Variants in PKD1 observed in about 807,000 individuals in gnomAD.
PKD1 encodes polycystin-1.
Under a neutral mutation model 361.7 loss-of-function variants are expected in PKD1, and 81 were observed. That is an observed-to-expected ratio of 0.22 (90% confidence interval 0.19 to 0.27). PKD1 has a LOEUF of 0.27. Ranked by LOEUF, PKD1 falls within the 10% of genes least tolerant of loss-of-function variation. The pLI, the probability that PKD1 is intolerant of heterozygous loss-of-function variation, is 1.00. For synonymous variants in PKD1, 3,615 were observed against 2,818.3 expected (o/e 1.28, Z -8.95); for missense variants, 6,399 against 6,118.3 (o/e 1.05, Z -1.53).
At position 2,118,668 on chromosome 16, in the gene PKD1, G is replaced by C. The variant is rs1045205742; in HGVS notation, c.529+8C>G. The C allele has an allele frequency of 7.2e-6, 10 of 1,389,712 alleles. No homozygotes were observed. In the African/African-American group the frequency reaches 1.3e-4, roughly 18 times the overall value. The allele number at this position is 1,389,712 out of a possible 1,614,324, so 86.1% of individuals were successfully genotyped here. The stretch of plus-strand genomic sequence containing the variant: ...AGGACAGAGCTGGCCCCACCCACCG[G>C]CACTCACCACAGCCACTGTCCAGCA... On this transcript the variant is annotated splice_region_variant and intron_variant, in intron 4 of 45. Coordinates refer to ENST00000262304, the MANE Select transcript of PKD1 (RefSeq NM_001009944.3). The surrounding 1 kb of genome is among the most constrained non-coding windows in gnomAD (Gnocchi z 6.0).
intron 1 of PKD1, among the ~76,000 whole-genome samples, chr16:2,123,161 G>A (rs1255819289): frequency 6.6e-6 from 1 of 152,180 alleles, no homozygotes; most frequent in East Asian, 1.9e-4. Context: ...TTCTGGCCAT[G>A]CACTCCCTGC....
In PKD1 at chr16:2,088,741, T is replaced by C. The variant is rs970202456; in HGVS notation, c.*986A>G. ...AGACAGCTCTTTTATTGACTTTGTCTGCTTGGTGCGGGGGTTGGGGGGGTG... is the reference window on the plus strand; with the variant it reads ...AGACAGCTCTTTTATTGACTTTGTCCGCTTGGTGCGGGGGTTGGGGGGGTG... On this transcript the variant is annotated 3_prime_UTR_variant, in exon 46 of 46. Transcript: ENST00000262304. 3.1e-6 allele frequency: 4 copies of C among 1,304,650 alleles called. No individual in the cohort carries two copies. Among genetic ancestry groups the C allele is most frequent in the Non-Finnish European group, 4.2e-6 (4 of 955,688 alleles). The allele number at this position is 1,304,650 out of a possible 1,614,324, so 80.8% of individuals were successfully genotyped here.
Position 2,108,620 on chromosome 16 carries a change from T to C in PKD1, c.6547A>G (p.Thr2183Ala). The stretch of plus-strand genomic sequence containing the variant: ...CGATACACCTCCCAGCGGTACTCAG[T>C]CTGGTAGGTGACGCAGTCGCGCAGG... ...VDLRDCVTYQ[T>A]EYRWEVYRTA... Residue 2183 changes from threonine to alanine, a missense_variant, in exon 15 of 46, where the codon ACT (threonine) becomes GCT (alanine). By Grantham distance (58) the Thr-to-Ala change is moderately conservative (BLOSUM62 0). Coordinates refer to ENST00000262304, the MANE Select transcript of PKD1 (RefSeq NM_001009944.3). 1.3e-6 allele frequency: 2 copies of C among 1,559,796 alleles called. No homozygotes were observed. The highest frequency in any genetic ancestry group is 1.7e-6 in the Non-Finnish European group (2 of 1,152,782).
intron 16 of PKD1, 119 bp from the exon 17 acceptor site, chr16:2,107,067 G>T (rs550492551): frequency 3.3e-5 from 30 of 911,882 alleles, no homozygotes; most frequent in Non-Finnish European, 4.9e-5. Context: ...GGCCACTGCC[G>T]GTGAGCTCAC....
chr16:2,105,796 C>A (rs199936877), intron 20 of PKD1, 69 bp downstream of exon 20: 8 of 1,499,096 alleles, frequency 5.3e-6, no homozygotes, highest in Non-Finnish European at 7.3e-6. Context: ...AAGCTCCAGG[C>A]AGGGGTACAG....
At chr16:2,097,600 A>C in intron 32 of PKD1, 97 bp from the exon 33 acceptor site, 2 of 1,609,782 alleles carry the variant, frequency 1.2e-6, no homozygotes, top group Non-Finnish European at 1.7e-6. Flanking sequence ...CTTCCGAGCA[A>C]ACCTGCTCCC....
intron 23 of PKD1, 81 bp downstream of exon 23, chr16:2,103,185 A>C (rs921192034): frequency 7.1e-5 from 102 of 1,434,576 alleles, no homozygotes; most frequent in Non-Finnish European, 9.0e-5. Flanking sequence ...CACCAGAGAC[A>C]CCCATGGAAG....
chr16:2,097,518 G>A lies in PKD1; in HGVS notation c.10221-15C>T, dbSNP rs1022652560. On this transcript the variant is annotated splice_polypyrimidine_tract_variant and intron_variant, in intron 32 of 45. Coordinates refer to ENST00000262304, the MANE Select transcript of PKD1 (RefSeq NM_001009944.3). ...AGCACACCAGACTGCAGGTGGCGCGGGTCAGCAAGGTACCAGGGGATGTGT... is the reference window on the plus strand; with the variant it reads ...AGCACACCAGACTGCAGGTGGCGCGAGTCAGCAAGGTACCAGGGGATGTGT... 3 of 1,601,478 alleles carry A rather than the reference G, an allele frequency of 1.9e-6. No individual in the cohort carries two copies. Among genetic ancestry groups the A allele is most frequent in the Non-Finnish European group, 2.5e-6 (3 of 1,179,728 alleles).
At chr16:2,092,394 G>A in intron 39 of PKD1, 86 bp downstream of exon 39, 2 of 1,039,468 alleles carry the variant, frequency 1.9e-6, no homozygotes, top group South Asian at 1.3e-5. Flanking sequence ...CAGCTAGGGA[G>A]CAGGGCTGAT....
chr16:2,114,268 G>A lies in PKD1; in HGVS notation c.2755C>T (p.Arg919Trp), dbSNP rs756630984. 137 of 1,610,206 alleles carry A rather than the reference G, an allele frequency of 8.5e-5. No individual in the cohort carries two copies. The highest frequency in any genetic ancestry group is 4.5e-4 in the Middle Eastern group (2 of 4,452). ...VDVVVENSAS[R>W]ANLSLRVTAE... Reference sequence around the variant, plus strand: ...GTCACCCGCAGGCTGAGGTTGGCCCGGCTGGCGCTGTTTTCCACCACCACG... The same window carrying A: ...GTCACCCGCAGGCTGAGGTTGGCCCAGCTGGCGCTGTTTTCCACCACCACG... Residue 919 changes from arginine (R) to tryptophan (W), a missense_variant, in exon 11 of 46, where the codon CGG becomes TGG. Physicochemically the swap from Arg to Trp is moderately radical, Grantham distance 101. Transcript: ENST00000262304.
Position 2,115,871 on chromosome 16 carries a change from C to G in PKD1, c.1849+121G>C. On this transcript the variant is annotated intron_variant, in intron 9 of 45. Coordinates refer to ENST00000262304, the MANE Select transcript of PKD1 (RefSeq NM_001009944.3). ...AGCTGGTGTCTCTGGAACCCCTGCT[C>G]TGTCCACCTAAGACTGGGAACCACT... is the stretch of plus-strand genomic sequence containing the variant. The G allele has an allele frequency of 3.4e-6, 4 of 1,191,464 alleles. No individual in the cohort carries two copies. In the South Asian group the frequency reaches 4.0e-5, roughly 12 times the overall value. The allele number at this position is 1,191,464 out of a possible 1,614,324, so 73.8% of individuals were successfully genotyped here.
At position 2,088,881 on chromosome 16, in the gene PKD1, G is replaced by GCGCGCACACACACA. The variant is rs142285430; in HGVS notation, c.*845_*846insTGTGTGTGTGCGCG. The GCGCGCACACACACA allele has an allele frequency of 1.1e-4, 45 of 421,482 alleles. No individual in the cohort carries two copies. Among genetic ancestry groups the GCGCGCACACACACA allele is most frequent in the African/African-American group, 8.7e-4 (39 of 44,684 alleles). The allele number at this position is 421,482 out of a possible 1,614,324, so 26.1% of individuals were successfully genotyped here. On this transcript the variant is annotated 3_prime_UTR_variant, in exon 46 of 46. Transcript: ENST00000262304. ...ACAGCACACTCGCGCGTGCGCGCGC[G>GCGCGCACACACACA]CACACACACACACACACAGTCACCT... is the stretch of plus-strand genomic sequence containing the variant.
At position 2,101,908 on chromosome 16, in the gene PKD1, G is replaced by A. The variant is rs374615923; in HGVS notation, c.9397+153C>T. On this transcript the variant is annotated intron_variant, in intron 26 of 45. Coordinates refer to ENST00000262304, the MANE Select transcript of PKD1 (RefSeq NM_001009944.3). ...GTCCTCAGGGACAGTGAGTGCTCACGAGGTCATTCCCAGGATGAACACACG... is the reference window on the plus strand; with the variant it reads ...GTCCTCAGGGACAGTGAGTGCTCACAAGGTCATTCCCAGGATGAACACACG... The A allele has an allele frequency of 2.1e-4, 136 of 660,424 alleles. 1 individual carries two copies. The highest frequency in any genetic ancestry group is 1.2e-3 in the East Asian group (43 of 36,898). The allele number at this position is 660,424 out of a possible 1,614,324, so 40.9% of individuals were successfully genotyped here.
chr16:2,115,569 G>A lies in PKD1; in HGVS notation c.1906C>T (p.Leu636=). The A allele has an allele frequency of 6.3e-7, 1 of 1,591,866 alleles. No individual in the cohort carries two copies. Among genetic ancestry groups the A allele is most frequent in the South Asian group, 1.1e-5 (1 of 89,424 alleles). ...ESRSPDNRTQ[L]APACMPGGRW... is the part of the protein sequence containing the mutation. ...CCCCCTGGCATGCACGCGGGGGCCA[G>A]CTGGGTCCTGTTGTCCGGGGACCTG... Residue 636 remains leucine, a synonymous_variant, in exon 10 of 46, where the codon CTG becomes TTG. Coordinates refer to ENST00000262304, the MANE Select transcript of PKD1 (RefSeq NM_001009944.3).
At chr16:2,092,007 T>C (rs1321412705) in intron 40 of PKD1, 40 bp downstream of exon 40, 7 of 1,612,486 alleles carry the variant, frequency 4.3e-6, no homozygotes, top group African/African-American at 1.3e-5. Flanking sequence ...ACTACTCCCT[T>C]GTCCTTGGCG....
rs769491149 is a variant in PKD1, at chr16:2,109,719, G to A, written c.5448C>T (p.Phe1816=). Residue 1816 remains phenylalanine (F), a synonymous_variant, in exon 15 of 46, where the codon TTC becomes TTT. Transcript: ENST00000262304. The stretch of plus-strand genomic sequence containing the variant: ...AGGGCACAGAGGACCCGGCCGCCAC[G>A]AAGCTGCCTCCGGGCTCGCTGGCCC... ...SIRASEPGGS[F]VAAGSSVPFW... is the part of the protein sequence containing the mutation. 16 of 1,605,500 alleles carry A rather than the reference G, an allele frequency of 1.0e-5. No individual in the cohort carries two copies. The highest frequency in any genetic ancestry group is 3.3e-5 in the South Asian group (3 of 90,292).
In PKD1 at chr16:2,111,151, A is replaced by G; in HGVS notation, c.4016T>C (p.Val1339Ala). 1.2e-6 allele frequency: 2 copies of G among 1,611,110 alleles called. No homozygotes were observed. The highest frequency in any genetic ancestry group is 1.7e-6 in the Non-Finnish European group (2 of 1,179,740). Residue 1339 changes from valine (V) to alanine (A), a missense_variant, in exon 15 of 46, where the codon GTG becomes GCG. Val to Ala is a moderately conservative substitution (Grantham distance 64). Coordinates refer to ENST00000262304, the MANE Select transcript of PKD1 (RefSeq NM_001009944.3). ...GTGTGTCACCGTCGGGCACCCCCGC[A>G]CGGTCGTGTTGGAGGAGCCATCCCC... ...TFGDGSSNTT[V>A]RGCPTVTHNF...
rs757750385 is a variant in PKD1, at chr16:2,105,311, G to C, written c.8016+11C>G. 2.4e-5 allele frequency: 38 copies of C among 1,593,934 alleles called. No homozygotes were observed. The highest frequency in any genetic ancestry group is 3.2e-5 in the Non-Finnish European group (38 of 1,178,412). ...CATGCGGGGCAGGGTGAGCAGGTGG[G>C]GCCATCCTACCATGCACTGGGCCAG... On this transcript the variant is annotated intron_variant, in intron 21 of 45. Coordinates refer to ENST00000262304, the MANE Select transcript of PKD1 (RefSeq NM_001009944.3).
Position 2,110,355 on chromosome 16 carries a change from C to A in PKD1, c.4812G>T (p.Val1604=). ...GPTISYTFRS[V]GTFNIIVTAE... Reference sequence around the variant, plus strand: ...CCGTGACGATGATATTGAAGGTGCCCACGGAGCGGAAGGTGTAAGAGATGG... The same window carrying A: ...CCGTGACGATGATATTGAAGGTGCCAACGGAGCGGAAGGTGTAAGAGATGG... The change falls in exon 15 of 46, where the codon GTG becomes GTT. Residue 1604 remains valine (V), a synonymous_variant. Coordinates refer to ENST00000262304, the MANE Select transcript of PKD1 (RefSeq NM_001009944.3). 3.1e-6 allele frequency: 5 copies of A among 1,612,630 alleles called. No homozygotes were observed. Among genetic ancestry groups the A allele is most frequent in the Non-Finnish European group, 4.2e-6 (5 of 1,179,854 alleles).
Sources: allele counts gnomAD v4.1 joint callset (sites outside exome capture counted in the v4.1 genomes callset), GRCh38; gene constraint gnomAD v4.1.1; non-coding constraint Gnocchi (gnomAD v3.1); transcripts MANE v1.5; gene names NCBI Gene and HGNC (gene_info 2026-07-23, HGNC 2026-07-21).